The following ZXDC variants were observed in gnomAD, a reference collection of about 807,000 sequenced individuals.
The protein encoded by ZXDC is zinc finger protein ZXDC.
In ZXDC, 58 loss-of-function variants were observed where a neutral mutation model predicts 63.6. The ratio of observed to expected loss-of-function variants is 0.91; its 90% confidence interval spans 0.74 to 1.13. The LOEUF (loss-of-function observed/expected upper bound fraction) is 1.13, where lower values mean the gene tolerates loss of function less well. Among genes scored for constraint, ZXDC ranks in the 50% most tolerant of loss-of-function variants. The pLI, the probability that ZXDC is intolerant of heterozygous loss-of-function variation, is 0.00. For synonymous variants in ZXDC, 561 were observed against 496.1 expected (o/e 1.13, Z -1.74); for missense variants, 1,133 against 1,148.9 (o/e 0.99, Z 0.20).
chr3:126,459,432 G>A (rs1934434106), intron 7 of ZXDC: 1 of 985,292 alleles, frequency 1.0e-6, no homozygotes. Context: ...CTTTCACAAA[G>A]CTTGTTTAGG....
intron 7 of ZXDC, chr3:126,454,721 C>A: frequency 1.0e-6 from 1 of 985,436 alleles, no homozygotes; most frequent in Non-Finnish European, 1.2e-6. Context: ...CCCTTCTCTG[C>A]CCTTAGACAG....
At position 126,462,153 on chromosome 3, in the gene ZXDC, T is replaced by G. The variant is rs377627665; in HGVS notation, c.1509A>C (p.Gln503His). ...CAAGATCCATGTTAGTGAGCTCACT[T>G]TGGCCTGGGCTGCTGAGTTCACTGC... ...TPSSELSSPG[Q>H]SELTNMDLAA... The change falls in exon 6 of 10, where the codon CAA becomes CAC. Residue 503 changes from glutamine to histidine, a missense_variant. Gln to His is a conservative substitution (Grantham distance 24). Coordinates refer to ENST00000389709, the MANE Select transcript of ZXDC (RefSeq NM_025112.5). 9.3e-6 allele frequency: 15 copies of G among 1,612,646 alleles called. No individual in the cohort carries two copies. The highest frequency in any genetic ancestry group is 1.3e-5 in the Non-Finnish European group (15 of 1,180,000).
In ZXDC at chr3:126,459,707, G is replaced by A. The variant is rs763498935; in HGVS notation, c.2158C>T (p.Arg720Ter). The A allele has an allele frequency of 1.2e-5, 20 of 1,613,990 alleles. No homozygotes were observed. The East Asian group carries it at 2.0e-4, about 16-fold the overall frequency. ...ESGGSARTDY[R>*]AIQLAKEKKQ... Reference sequence around the variant, plus strand: ...TTTTCCTTGGCTAGTTGAATGGCTCGGTAATCAGTTCTTGCTGAGCCCCCA... The same window carrying A: ...TTTTCCTTGGCTAGTTGAATGGCTCAGTAATCAGTTCTTGCTGAGCCCCCA... The change falls in exon 7 of 10, where the codon CGA becomes TGA. Residue 720 changes from arginine to a stop codon, truncating the protein, a stop_gained. Coordinates refer to ENST00000389709, the MANE Select transcript of ZXDC (RefSeq NM_025112.5). LOFTEE classifies it high-confidence loss of function.
intron 4 of ZXDC, 52 bp from the exon 5 acceptor site, chr3:126,466,377 G>C: frequency 6.2e-7 from 1 of 1,608,806 alleles, no homozygotes; most frequent in South Asian, 1.1e-5. Context: ...CAAGGAACCA[G>C]GAACAAGTGA....
At chr3:126,453,833 G>A in intron 7 of ZXDC, 2 of 983,950 alleles carry the variant, frequency 2.0e-6, no homozygotes, top group Non-Finnish European at 2.4e-6. Context: ...TAGCTGAGCT[G>A]GGATTACAGG....
rs767014376 is a variant in ZXDC, at chr3:126,475,542, G to A, written c.324C>T (p.Pro108=). 1.5e-6 allele frequency: 2 copies of A among 1,349,050 alleles called. No homozygotes were observed. Among genetic ancestry groups the A allele is most frequent in the Non-Finnish European group, 1.9e-6 (2 of 1,050,058 alleles). The allele number at this position is 1,349,050 out of a possible 1,614,324, so 83.6% of individuals were successfully genotyped here. Residue 108 remains proline (P), a synonymous_variant, in exon 1 of 10, where the codon CCC becomes CCT. Coordinates refer to ENST00000389709, the MANE Select transcript of ZXDC (RefSeq NM_025112.5). ...PGSRVNLASR[P]EQGPSGPAAP... ...CGGCCGGGCCGCTGGGGCCCTGCTC[G>A]GGGCGGCTCGCCAGGTTGACACGGG... is the stretch of plus-strand genomic sequence containing the variant.
chr3:126,454,089 G>A lies in ZXDC; in HGVS notation c.2212+5564C>T, dbSNP rs944464351. 6 of 892,100 alleles carry A rather than the reference G, an allele frequency of 6.7e-6. No homozygotes were observed. The East Asian group carries it at 7.3e-4, about 108-fold the overall frequency. 55.3% of individuals were successfully genotyped at this position (892,100 alleles called of 1,614,324 possible). The stretch of plus-strand genomic sequence containing the variant: ...ATTTTTTTTTTTGGTAAAGACTTTT[G>A]TATAGTTTTCCTGATGCCCTAATTT... On this transcript the variant is annotated intron_variant, in intron 7 of 9. Coordinates refer to ENST00000389709, the MANE Select transcript of ZXDC (RefSeq NM_025112.5).
In ZXDC at chr3:126,438,389, G is replaced by A; in HGVS notation, c.2563C>T (p.Gln855Ter). The change falls in exon 10 of 10, where the codon CAG becomes TAG. Residue 855 changes from glutamine to a stop codon, truncating the protein, a stop_gained. Transcript: ENST00000389709. LOFTEE classifies it high-confidence loss of function. ...CGAGGCTGCCGTCACTGCAGATCCT[G>A]CAGGTTGATAGTGCTTCCTGGGAAC... is the stretch of plus-strand genomic sequence containing the variant. Reference protein sequence around the residue: ...TQFPGSTINLQDLQ With the variant: ...TQFPGSTINL 1.2e-6 allele frequency: 2 copies of A among 1,613,328 alleles called. No individual in the cohort carries two copies. Among genetic ancestry groups the A allele is most frequent in the Admixed American group, 1.7e-5 (1 of 59,954 alleles).
At chr3:126,453,322 C>T (rs928298634) in intron 7 of ZXDC, 1 of 985,326 alleles carries the variant, frequency 1.0e-6, no homozygotes, top group Non-Finnish European at 1.2e-6. Flanking sequence ...GGCCTAGGGG[C>T]CATATCCCCT....
chr3:126,440,505 C>A (rs1933635524), intron 8 of ZXDC: 2 of 985,724 alleles, frequency 2.0e-6, no homozygotes, highest in Middle Eastern at 5.2e-4. Context: ...AAAGTATACC[C>A]CCTACTTGCT....
chr3:126,452,949 G>A, intron 7 of ZXDC: 1 of 895,588 alleles, frequency 1.1e-6, no homozygotes. Context: ...CGTTGCCCAG[G>A]CTGGTCTTGA....
At chr3:126,440,869 T>C in intron 8 of ZXDC, 1 of 985,750 alleles carries the variant, frequency 1.0e-6, no homozygotes, top group Non-Finnish European at 1.2e-6. Flanking sequence ...CTGGTCCTGT[T>C]TCCTTGGCGA....
chr3:126,443,971 G>C (rs1050910948), intron 7 of ZXDC, among the ~76,000 whole-genome samples: 2 of 152,150 alleles, frequency 1.3e-5, no homozygotes, highest in African/African-American at 4.8e-5. Flanking sequence ...TCATGTATTT[G>C]TGTCTAAATA....
In ZXDC at chr3:126,471,073, C is replaced by G. The variant is rs747690400; in HGVS notation, c.1140-48G>C. 9 of 1,592,772 alleles carry G rather than the reference C, an allele frequency of 5.7e-6. No homozygotes were observed. The East Asian group carries it at 1.8e-4, about 32-fold the overall frequency. On this transcript the variant is annotated intron_variant, in intron 3 of 9. Transcript: ENST00000389709. ...AGCTGTGATTCCTCACACAACTCACCATAATTCTTTAAAATTCTACAAAAC... is the reference window on the plus strand; with the variant it reads ...AGCTGTGATTCCTCACACAACTCACGATAATTCTTTAAAATTCTACAAAAC...
At chr3:126,446,943 G>T (rs1006113479) in intron 7 of ZXDC, among the ~76,000 whole-genome samples, 1 of 152,182 alleles carries the variant, frequency 6.6e-6, no homozygotes, top group South Asian at 2.1e-4. Context: ...AAAGCATAAG[G>T]AACCCACAAT....
chr3:126,454,069 T>C (rs973316340), intron 7 of ZXDC: 12 of 819,908 alleles, frequency 1.5e-5, no homozygotes, highest in Non-Finnish European at 1.8e-5. Flanking sequence ...TATATATTTT[T>C]TTTTTTGGTA....
chr3:126,475,425 C>T lies in ZXDC; in HGVS notation c.441G>A (p.Leu147=), dbSNP rs2107664374. 2 of 1,184,766 alleles carry T rather than the reference C, an allele frequency of 1.7e-6. No homozygotes were observed. Among genetic ancestry groups the T allele is most frequent in the Non-Finnish European group, 2.1e-6 (2 of 958,644 alleles). 73.4% of individuals were successfully genotyped at this position (1,184,766 alleles called of 1,614,324 possible). A position where few individuals can be genotyped will look rare whatever the true frequency, so the allele number is the denominator to read the frequency against. ...LVRLDRGVLA[L]SAPPGPATAG... is the part of the protein sequence containing the mutation. ...CGGTTGCGGGGCCGGGCGGCGCAGA[C>T]AGCGCGAGGACGCCGCGGTCGAGAC... The change falls in exon 1 of 10, where the codon CTG becomes CTA. Residue 147 remains leucine (L), a synonymous_variant. Transcript: ENST00000389709.
chr3:126,455,153 AT>A (rs911752143), intron 7 of ZXDC: 21 of 950,872 alleles, frequency 2.2e-5, no homozygotes, highest in Non-Finnish European at 2.5e-5. Context: ...CCCAAACCCA[AT>A]TTTTTTTCCC....
At chr3:126,470,336 A>G (rs940542827) in intron 4 of ZXDC, among the ~76,000 whole-genome samples, 1 of 152,180 alleles carries the variant, frequency 6.6e-6, no homozygotes, top group Admixed American at 6.5e-5. Flanking sequence ...GCGTGGTGGC[A>G]TACGCCTGTA....
Sources: gnomAD v4.1 joint callset for allele counts (sites outside exome capture counted in the v4.1 genomes callset) on GRCh38, gnomAD v4.1.1 for gene constraint, MANE v1.5 for transcripts, NCBI Gene and HGNC (gene_info 2026-07-23, HGNC 2026-07-21) for gene names.